TNRC18: variants seen among roughly 807,000 people sequenced by gnomAD.
TNRC18 encodes the protein trinucleotide repeat containing 18.
A neutral mutation model predicts 226.7 loss-of-function variants in TNRC18; 69 were observed. That is an observed-to-expected ratio of 0.30 (90% CI 0.25 to 0.37). TNRC18 has a LOEUF of 0.37. TNRC18 is among the 10% of genes least tolerant of loss of function. TNRC18 has a pLI of 1.00. For synonymous variants in TNRC18, 2,449 were observed against 1,927.6 expected, an observed-to-expected ratio of 1.27 and a Z score of -7.09; for missense variants, 4,754 against 4,256.6, an observed-to-expected ratio of 1.12 and a Z score of -3.25.
At chr7:5,397,892 G>T (rs1274298660) in intron 2 of TNRC18, among the ~76,000 whole-genome samples, 4 of 152,076 alleles carry the variant, frequency 2.6e-5, no homozygotes. Flanking sequence ...TTGAGGGCGG[G>T]GACTATCTTC....
In TNRC18 at chr7:5,394,903, A is replaced by T. The variant is rs1415592005; in HGVS notation, c.188-308T>A. The stretch of plus-strand genomic sequence containing the variant: ...GAGGGCCTTCCACCCCTGCCGCCCA[A>T]CCAGCCCAGATCCGGCCCGGCACCA... On this transcript the variant is annotated intron_variant, in intron 2 of 29. Transcript: ENST00000430969. This position sits in a 1 kb window ranked among gnomAD's most constrained non-coding sequence, Gnocchi z 4.5. 6.6e-6 allele frequency among the ~76,000 whole-genome samples: 1 copy of T among 152,032 alleles called. No homozygotes were observed. Among genetic ancestry groups the T allele is most frequent in the Non-Finnish European group, 1.5e-5 (1 of 67,978 alleles).
At chr7:5,322,691 GCTCC>G in intron 21 of TNRC18, among the ~76,000 whole-genome samples, 1 of 152,202 alleles carries the variant, frequency 6.6e-6, no homozygotes, top group Non-Finnish European at 1.5e-5. Context: ...CCAACCCTCT[GCTCC>G]CTCCCTCTCC....
At chr7:5,321,278 T>G (rs1206555956) in intron 21 of TNRC18, 88 bp from the exon 22 acceptor site, 34 of 959,718 alleles carry the variant, frequency 3.5e-5, no homozygotes, top group Non-Finnish European at 4.8e-5. Flanking sequence ...GTCATCCCCT[T>G]GGAATGGAGG....
rs1779017865 is a variant in TNRC18, at chr7:5,376,887, G to A, written c.2568C>T (p.Gly856=). ...AYQFVRDPQS[G]QLVVIPSDHL... is the part of the protein sequence containing the mutation. ...GATCACTGGGAATGACCACCAGCTGGCCCGATTGGGGGTCCCTGACAAACT... is the reference window on the plus strand; with the variant it reads ...GATCACTGGGAATGACCACCAGCTGACCCGATTGGGGGTCCCTGACAAACT... The change falls in exon 8 of 30, where the codon GGC becomes GGT. Residue 856 remains glycine, a synonymous_variant. Coordinates refer to ENST00000430969, the MANE Select transcript of TNRC18 (RefSeq NM_001080495.3). The A allele has an allele frequency of 1.2e-6, 2 of 1,611,192 alleles. No individual in the cohort carries two copies. The highest frequency in any genetic ancestry group is 8.5e-7 in the Non-Finnish European group (1 of 1,178,722).
At position 5,392,627 on chromosome 7, in the gene TNRC18, A is replaced by T. The variant is rs180975150; in HGVS notation, c.343+1813T>A. 2.1e-3 allele frequency among the ~76,000 whole-genome samples: 318 copies of T among 151,820 alleles called. 7 individuals are homozygous for T. The highest frequency in any genetic ancestry group is 3.4e-3 in the Middle Eastern group (1 of 290). On this transcript the variant is annotated intron_variant, in intron 3 of 29. Coordinates refer to ENST00000430969, the MANE Select transcript of TNRC18 (RefSeq NM_001080495.3). ...CAAGACTCCATTTCAAAAAATAAAT[A>T]AATAAGTAAAATACAACCAACAATA...
rs749525015 is a variant in TNRC18 at position 5,345,829 on chromosome 7, G to A, written c.5471-19C>T. On this transcript the variant is annotated intron_variant, in intron 17 of 29. Transcript: ENST00000430969. ...CTCTCATCTGGCGTGCAGAAAACAGGGACCGAGTCAGAGCCTTGGCCTTGG... is the reference window on the plus strand; with the variant it reads ...CTCTCATCTGGCGTGCAGAAAACAGAGACCGAGTCAGAGCCTTGGCCTTGG... 1 of 1,536,008 alleles carries A rather than the reference G, an allele frequency of 6.5e-7. No individual in the cohort carries two copies. The highest frequency in any genetic ancestry group is 1.2e-5 in the South Asian group (1 of 83,394).
intron 2 of TNRC18, among the ~76,000 whole-genome samples, chr7:5,400,666 G>A (rs576048064): frequency 2.0e-5 from 3 of 152,244 alleles, no homozygotes; most frequent in African/African-American, 7.2e-5. Flanking sequence ...TACACAGGAT[G>A]AATACACCAA....
chr7:5,374,517 G>A, intron 9 of TNRC18, 33 bp from the exon 10 acceptor site: 4 of 1,526,760 alleles, frequency 2.6e-6, no homozygotes, highest in South Asian at 1.2e-5. Flanking sequence ...GGTCAGCACG[G>A]CACGAGTTTC....
In TNRC18 at chr7:5,321,174, G is replaced by A; in HGVS notation, c.6459C>T (p.Ile2153=). 1 of 1,550,012 alleles carries A rather than the reference G, an allele frequency of 6.5e-7. No homozygotes were observed. Among genetic ancestry groups the A allele is most frequent in the African/African-American group, 1.4e-5 (1 of 73,196 alleles). The change falls in exon 22 of 30, where the codon ATC becomes ATT. Residue 2153 remains isoleucine, a synonymous_variant. Transcript: ENST00000430969. ...RPLTPAPRSC[I]IDKDELKDGL... is the part of the protein sequence containing the mutation. ...CGTCCTTCAGCTCATCCTTGTCGAT[G>A]ATGCAGGAGCGAGGGGCTGCAGGGG...
At chr7:5,316,126 GA>G in intron 24 of TNRC18, 54 bp from the exon 25 acceptor site, 2 of 1,416,094 alleles carry the variant, frequency 1.4e-6, no homozygotes, top group Non-Finnish European at 2.0e-6. Flanking sequence ...GCTCCCTAGT[GA>G]CGCACAAGGG....
At position 5,309,438 on chromosome 7, in the gene TNRC18, T is replaced by G; in HGVS notation, c.8389-70A>C. The G allele has an allele frequency of 7.1e-7, 1 of 1,406,410 alleles. No homozygotes were observed. Among genetic ancestry groups the G allele is most frequent in the Non-Finnish European group, 9.7e-7 (1 of 1,031,284 alleles). 87.1% of individuals were successfully genotyped at this position (1,406,410 alleles called of 1,614,324 possible). ...AAGGAGCCCGCCGCCTGGCAGGCTC[T>G]GCCGCTTGGGACTCTGGGCCCTCGG... On this transcript the variant is annotated intron_variant, in intron 27 of 29. Coordinates refer to ENST00000430969, the MANE Select transcript of TNRC18 (RefSeq NM_001080495.3). This position sits in a 1 kb window ranked among gnomAD's most constrained non-coding sequence, Gnocchi z 5.7.
chr7:5,321,639 C>CTTTA (rs10551562), intron 21 of TNRC18, among the ~76,000 whole-genome samples: 10,358 of 143,426 alleles, frequency 0.072, 635 homozygotes, highest in African/African-American at 0.17. Context: ...ACTTCTAGGA[C>CTTTA]TTTATTTATT....
chr7:5,320,109 G>A, intron 24 of TNRC18: 2 of 557,796 alleles, frequency 3.6e-6, no homozygotes, highest in South Asian at 4.1e-5. Context: ...ACAGATGACA[G>A]CACTGCTGAC....
chr7:5,401,760 G>T (rs1293319188), intron 2 of TNRC18, among the ~76,000 whole-genome samples: 1 of 152,182 alleles, frequency 6.6e-6, no homozygotes, highest in Non-Finnish European at 1.5e-5. Context: ...TTTATTCCTA[G>T]TCCTATGCTG....
At chr7:5,403,125 G>A (rs967779051) in intron 2 of TNRC18, among the ~76,000 whole-genome samples, 4 of 151,062 alleles carry the variant, frequency 2.6e-5, no homozygotes, top group Non-Finnish European at 5.9e-5. Flanking sequence ...TTCAATCCCA[G>A]ACAGCCCTTC....
Position 5,324,279 on chromosome 7 carries a change from T to G in TNRC18, c.6377A>C (p.Asp2126Ala). ...GTGCTCGTCCTCAGAGAAGCTCGAG[T>G]CTTGGTTGGGTTCAAAGTCCTCCTC... Reference protein sequence around the residue: ...AAEEDFEPNQDSSFSEDEHLP... With the variant: ...AAEEDFEPNQASSFSEDEHLP... The change falls in exon 21 of 30, where the codon GAC (aspartate) becomes GCC (alanine). Residue 2126 changes from aspartate (D) to alanine (A), a missense_variant. Transcript: ENST00000430969. This position sits in a 1 kb window ranked among gnomAD's most constrained non-coding sequence, Gnocchi z 4.8. The G allele has an allele frequency of 1.2e-6, 2 of 1,613,228 alleles. No homozygotes were observed. Among genetic ancestry groups the G allele is most frequent in the Non-Finnish European group, 8.5e-7 (1 of 1,179,672 alleles).
In TNRC18 at chr7:5,359,588, GC is replaced by G; in HGVS notation, c.4662-20del. On this transcript the variant is annotated intron_variant, in intron 14 of 29. Transcript: ENST00000430969. ...GCTCAGCCTGAAACGCAGACACACT[GC>G]CGGTCAGCACCCTGGCCAGACAAGG... is the stretch of plus-strand genomic sequence containing the variant. 1 of 1,612,742 alleles carries G rather than the reference GC, an allele frequency of 6.2e-7. No individual in the cohort carries two copies. The highest frequency in any genetic ancestry group is 8.5e-7 in the Non-Finnish European group (1 of 1,179,860).
At chr7:5,310,609 A>T (rs908936104) in intron 27 of TNRC18, among the ~76,000 whole-genome samples, 2 of 152,084 alleles carry the variant, frequency 1.3e-5, no homozygotes, top group African/African-American at 4.8e-5. Context: ...ATCACAGCTC[A>T]CTGCAGCCTT....
intron 16 of TNRC18, among the ~76,000 whole-genome samples, chr7:5,354,077 C>T (rs1324436297): frequency 6.6e-6 from 1 of 152,034 alleles, no homozygotes; most frequent in African/African-American, 2.4e-5. Flanking sequence ...GTGGTGCGTG[C>T]CTGTAACCCC....
Sources: allele counts gnomAD v4.1 joint callset (sites outside exome capture counted in the v4.1 genomes callset), GRCh38; gene constraint gnomAD v4.1.1; non-coding constraint Gnocchi (gnomAD v3.1); transcripts MANE v1.5; gene names NCBI Gene and HGNC (gene_info 2026-07-23, HGNC 2026-07-21).